Variants in PRKCB observed in about 807,000 individuals in gnomAD.
PRKCB encodes protein kinase C beta type.
Under a neutral mutation model 81.5 loss-of-function variants are expected in PRKCB, and 13 were observed. The ratio of observed to expected loss-of-function variants is 0.16; its 90% CI spans 0.10 to 0.25. The LOEUF (loss-of-function observed/expected upper bound fraction) is 0.25. Among genes scored for constraint, PRKCB ranks in the 10% least tolerant of loss-of-function variants. The probability of loss-of-function intolerance (pLI) is 1.00; values close to 1 mark genes in which losing one functional copy is unlikely to be tolerated. For missense variants in PRKCB, 509 were observed against 875.7 expected (o/e 0.58, Z 5.29); for synonymous variants, 335 against 321.4 (o/e 1.04, Z -0.45).
At chr16:23,882,151 C>T (rs865925791) in intron 2 of PRKCB, among the ~76,000 whole-genome samples, 14 of 149,892 alleles carry the variant, frequency 9.3e-5, no homozygotes, top group South Asian at 2.1e-4. Flanking sequence ...GCAATCACAG[C>T]TCATGGCAGC....
chr16:24,160,952 G>A (rs756794039), intron 10 of PRKCB, among the ~76,000 whole-genome samples: 15 of 151,994 alleles, frequency 9.9e-5, no homozygotes, highest in Non-Finnish European at 1.9e-4. Context: ...GGCCGGTGTC[G>A]CCCCGGTGGA....
chr16:23,882,021 T>TCTTTCTCTTTCTTTCTTTCTTTC, intron 2 of PRKCB, among the ~76,000 whole-genome samples: 1 of 55,592 alleles, frequency 1.8e-5, no homozygotes, highest in Non-Finnish European at 3.7e-5. Context: ...TTTCTTTCTT[T>TCTTTCTCTTTCTTTCTTTCTTTC]CTTCCTTCCT....
chr16:23,837,566 G>A (rs906814134), intron 2 of PRKCB, among the ~76,000 whole-genome samples, 160 bp downstream of exon 2: 2 of 152,072 alleles, frequency 1.3e-5, no homozygotes, highest in Admixed American at 6.5e-5. Context: ...CTTTCAAGGG[G>A]TGTGTGTGTG....
chr16:24,016,150 A>G (rs936131326), intron 3 of PRKCB, among the ~76,000 whole-genome samples: 1 of 152,006 alleles, frequency 6.6e-6, no homozygotes, highest in African/African-American at 2.4e-5. Flanking sequence ...TGTTGTTCCT[A>G]GACAGTTAAG....
At chr16:23,855,787 A>G (rs781622350) in intron 2 of PRKCB, among the ~76,000 whole-genome samples, 1 of 152,230 alleles carries the variant, frequency 6.6e-6, no homozygotes, top group Non-Finnish European at 1.5e-5. Flanking sequence ...GAACTGGGAC[A>G]AGCCAATGCA....
At chr16:24,088,657 A>C (rs1966337192) in intron 5 of PRKCB, among the ~76,000 whole-genome samples, 1 of 148,736 alleles carries the variant, frequency 6.7e-6, no homozygotes, top group Non-Finnish European at 1.5e-5. Context: ...TGATCCTGGG[A>C]GATCAAGGCT....
intron 8 of PRKCB, 43 bp downstream of exon 8, chr16:24,113,112 C>CT: frequency 1.3e-6 from 2 of 1,497,182 alleles, no homozygotes; most frequent in Non-Finnish European, 1.8e-6. Flanking sequence ...TTTTCTCTTT[C>CT]TTTTTTCCTT....
chr16:24,181,066 C>T, intron 13 of PRKCB, 138 bp downstream of exon 13: 2 of 1,120,608 alleles, frequency 1.8e-6, no homozygotes, highest in Non-Finnish European at 1.2e-6. Context: ...TACTCTAAAT[C>T]CTCCCTTTGA....
intron 7 of PRKCB, among the ~76,000 whole-genome samples, chr16:24,105,004 T>G (rs1966556268): frequency 6.6e-6 from 1 of 152,148 alleles, no homozygotes; most frequent in Non-Finnish European, 1.5e-5. Flanking sequence ...TTCTTTTATG[T>G]CTAATCTTTC....
At chr16:23,876,858 C>T (rs1051452373) in intron 2 of PRKCB, among the ~76,000 whole-genome samples, 2 of 152,128 alleles carry the variant, frequency 1.3e-5, no homozygotes, top group Non-Finnish European at 2.9e-5. Flanking sequence ...TTTCTGAGAC[C>T]TAAGTGACAG....
Position 24,219,868 on chromosome 16 carries a change from A to T in PRKCB, c.*5052A>T, listed in dbSNP as rs1968294832. 1.3e-6 allele frequency: 2 copies of T among 1,501,716 alleles called. No individual in the cohort carries two copies. The highest frequency in any genetic ancestry group is 1.8e-6 in the Non-Finnish European group (2 of 1,122,504). The allele number at this position is 1,501,716 out of a possible 1,614,324, so 93.0% of individuals were successfully genotyped here. On this transcript the variant is annotated 3_prime_UTR_variant, in exon 17 of 17. Coordinates refer to ENST00000643927, the MANE Select transcript of PRKCB (RefSeq NM_002738.7). The stretch of plus-strand genomic sequence containing the variant: ...CACAGGGCTCTTTCTGACTCTGCTC[A>T]TGAGATGGTATCAGCCACCCAATGA...
chr16:24,031,850 G>A (rs1171577241), intron 3 of PRKCB: 2 of 285,338 alleles, frequency 7.0e-6, no homozygotes, highest in East Asian at 1.5e-4. Flanking sequence ...GCAGGAGCCT[G>A]TAGGTTGAGT....
intron 5 of PRKCB, among the ~76,000 whole-genome samples, chr16:24,087,521 A>G (rs1158204002): frequency 6.6e-6 from 1 of 152,208 alleles, no homozygotes; most frequent in Non-Finnish European, 1.5e-5. Context: ...TTTTTCCTTA[A>G]TAAATCCTTC....
At chr16:24,076,000 G>T (rs1216464035) in intron 5 of PRKCB, among the ~76,000 whole-genome samples, 1 of 152,182 alleles carries the variant, frequency 6.6e-6, no homozygotes, top group East Asian at 1.9e-4. Flanking sequence ...GTGCAGGTTT[G>T]TTACCTATGT....
At chr16:23,922,933 C>T (rs576204755) in intron 2 of PRKCB, among the ~76,000 whole-genome samples, 4 of 152,126 alleles carry the variant, frequency 2.6e-5, no homozygotes, top group Non-Finnish European at 2.9e-5. Flanking sequence ...TAGATTTTTG[C>T]AGCCTTGACC....
intron 15 of PRKCB, among the ~76,000 whole-genome samples, chr16:24,188,983 T>C (rs531452243): frequency 1.3e-5 from 2 of 152,322 alleles, no homozygotes; most frequent in African/African-American, 2.4e-5. Flanking sequence ...ATTGATGTTA[T>C]TATCAGTGTG....
intron 2 of PRKCB, among the ~76,000 whole-genome samples, chr16:23,885,740 T>G (rs762305886): frequency 4.6e-5 from 7 of 152,214 alleles, no homozygotes; most frequent in Non-Finnish European, 8.8e-5. Flanking sequence ...TATTTTTAAA[T>G]GGGAAATGAA....
chr16:24,037,843 G>A (rs1965643100), intron 5 of PRKCB, among the ~76,000 whole-genome samples: 1 of 150,038 alleles, frequency 6.7e-6, no homozygotes, highest in African/African-American at 2.5e-5. Context: ...CAAACTGGGT[G>A]GCTTAAGACA....
At chr16:23,980,408 A>C (rs1033326711) in intron 2 of PRKCB, among the ~76,000 whole-genome samples, 1 of 152,242 alleles carries the variant, frequency 6.6e-6, no homozygotes, top group Non-Finnish European at 1.5e-5. Context: ...CAAAATCTGC[A>C]TGCCAGTGGC....
Sources: allele counts gnomAD v4.1 joint callset (sites outside exome capture counted in the v4.1 genomes callset), GRCh38; gene constraint gnomAD v4.1.1; transcripts MANE v1.5; gene names NCBI Gene and HGNC (gene_info 2026-07-23, HGNC 2026-07-21).